The following RPRD1A variants were observed in gnomAD, a reference collection of about 807,000 sequenced individuals.
RPRD1A encodes regulation of nuclear pre-mRNA domain containing 1A.
A neutral mutation model predicts 37.8 loss-of-function variants in RPRD1A; 9 were observed. That is an observed-to-expected ratio of 0.24 (90% CI 0.14 to 0.42). The LOEUF (loss-of-function observed/expected upper bound fraction) is 0.42, where lower values mean the gene tolerates loss of function less well. Among genes scored for constraint, RPRD1A ranks in the 10% least tolerant of loss-of-function variants. The probability of loss-of-function intolerance (pLI) is 1.00; values close to 1 mark genes in which losing one functional copy is unlikely to be tolerated. For missense variants in RPRD1A, 255 were observed against 371.0 expected (o/e 0.69, Z 2.57); for synonymous variants, 138 against 139.7 (o/e 0.99, Z 0.08).
chr18:36,022,919 A>C (rs1911103274), intron 6 of RPRD1A, among the ~76,000 whole-genome samples: 1 of 152,230 alleles, frequency 6.6e-6, no homozygotes, highest in South Asian at 2.1e-4. Context: ...CTGTGATTGC[A>C]TGACTACTCC....
intron 1 of RPRD1A, among the ~76,000 whole-genome samples, chr18:36,046,719 C>A (rs1329241421): frequency 6.6e-6 from 1 of 151,296 alleles, no homozygotes; most frequent in Admixed American, 6.6e-5. Flanking sequence ...ACCTGTAATC[C>A]CAGGTATTCA....
At chr18:35,995,981 AG>A (rs1211503036) in intron 6 of RPRD1A, among the ~76,000 whole-genome samples, 2 of 152,252 alleles carry the variant, frequency 1.3e-5, no homozygotes, top group Non-Finnish European at 2.9e-5. Flanking sequence ...AGACAAGGAA[AG>A]TCAGAGGAAC....
At chr18:36,000,263 A>G (rs935136483) in intron 6 of RPRD1A, among the ~76,000 whole-genome samples, 24 of 152,194 alleles carry the variant, frequency 1.6e-4, no homozygotes, top group African/African-American at 5.6e-4. Flanking sequence ...ATAAACTCCA[A>G]TATAGCCAAT....
intron 1 of RPRD1A, among the ~76,000 whole-genome samples, chr18:36,038,352 G>A (rs1301856590): frequency 1.3e-5 from 2 of 152,242 alleles, no homozygotes; most frequent in East Asian, 1.9e-4. Context: ...AAGGGGCCAG[G>A]GCACAGCTTG....
At chr18:36,062,390 G>A in intron 1 of RPRD1A, among the ~76,000 whole-genome samples, 1 of 145,850 alleles carries the variant, frequency 6.9e-6, no homozygotes, top group Non-Finnish European at 1.5e-5. Flanking sequence ...ATCCTCAAAA[G>A]GTTGAACATA....
intron 6 of RPRD1A, among the ~76,000 whole-genome samples, chr18:36,003,426 G>A (rs946906348): frequency 6.6e-6 from 1 of 152,158 alleles, no homozygotes; most frequent in South Asian, 2.1e-4. Context: ...CAAAATAAGG[G>A]AATTTATACT....
chr18:36,045,667 T>C (rs1030801519), intron 1 of RPRD1A, among the ~76,000 whole-genome samples: 33 of 152,242 alleles, frequency 2.2e-4, no homozygotes, highest in African/African-American at 7.2e-4. Context: ...CATTCGCAAC[T>C]TTGCAACCTG....
At chr18:36,057,764 T>G (rs986328406) in intron 1 of RPRD1A, among the ~76,000 whole-genome samples, 14 of 152,220 alleles carry the variant, frequency 9.2e-5, no homozygotes, top group African/African-American at 3.4e-4. Flanking sequence ...AGCTAAAACC[T>G]ATGTCTATAT....
intron 6 of RPRD1A, among the ~76,000 whole-genome samples, 164 bp from the exon 7 acceptor site, chr18:35,993,464 A>AT (rs1908834531): frequency 6.6e-6 from 1 of 152,272 alleles, no homozygotes; most frequent in Non-Finnish European, 1.5e-5. Flanking sequence ...TTGGAAATAT[A>AT]TAACTAGTAA....
In RPRD1A at chr18:36,046,420, C is replaced by T. The variant is rs915174173; in HGVS notation, c.152-12583G>A. Among the ~76,000 whole-genome samples the T allele has an allele frequency of 9.9e-5, 15 of 152,278 alleles. No homozygotes were observed. In the East Asian group the frequency reaches 1.5e-3, roughly 16 times the overall value. On this transcript the variant is annotated intron_variant, in intron 1 of 6. Transcript: ENST00000399022. The stretch of plus-strand genomic sequence containing the variant: ...CCATATACTCCTTCTCCCCTCCCCA[C>T]GGTGTCAGTGGAGACCTACTGGAAA...
At chr18:36,051,737 T>C (rs1913411888) in intron 1 of RPRD1A, among the ~76,000 whole-genome samples, 1 of 152,078 alleles carries the variant, frequency 6.6e-6, no homozygotes, top group African/African-American at 2.4e-5. Flanking sequence ...CATGACACCA[T>C]GGATAATGTC....
intron 6 of RPRD1A, among the ~76,000 whole-genome samples, chr18:36,006,134 T>G (rs944703597): frequency 6.6e-6 from 1 of 152,220 alleles, no homozygotes; most frequent in East Asian, 1.9e-4. Flanking sequence ...ATAAGTATTA[T>G]GTTATGATTA....
intron 1 of RPRD1A, among the ~76,000 whole-genome samples, chr18:36,052,630 G>C (rs1913480837): frequency 6.6e-6 from 1 of 152,052 alleles, no homozygotes; most frequent in Admixed American, 6.5e-5. Context: ...ATGGAATCTT[G>C]CCCTGTCACC....
At chr18:36,053,392 T>C (rs1217573324) in intron 1 of RPRD1A, among the ~76,000 whole-genome samples, 1 of 152,216 alleles carries the variant, frequency 6.6e-6, no homozygotes, top group Admixed American at 6.5e-5. Context: ...TCTAGATATT[T>C]CATATATTAT....
intron 1 of RPRD1A, among the ~76,000 whole-genome samples, chr18:36,044,938 G>C (rs538754313): frequency 6.6e-6 from 1 of 151,806 alleles, no homozygotes; most frequent in South Asian, 2.1e-4. Flanking sequence ...AGTTCAAAAT[G>C]ATAACTTTTA....
chr18:36,017,132 A>T (rs28582653), intron 6 of RPRD1A, among the ~76,000 whole-genome samples: 105 of 152,276 alleles, frequency 6.9e-4, no homozygotes, highest in African/African-American at 2.3e-3. Flanking sequence ...CAACACGGTG[A>T]AACACTGTCT....
chr18:36,038,588 C>T (rs139819053), intron 1 of RPRD1A, among the ~76,000 whole-genome samples: 47 of 152,348 alleles, frequency 3.1e-4, no homozygotes, highest in African/African-American at 1.1e-3. Context: ...GATTGGAGCT[C>T]TCACATGGGG....
intron 6 of RPRD1A, among the ~76,000 whole-genome samples, chr18:36,014,691 C>T (rs937704697): frequency 6.6e-6 from 1 of 152,130 alleles, no homozygotes; most frequent in East Asian, 1.9e-4. Context: ...TGCAGTGAGC[C>T]GAGATCGCGC....
chr18:36,047,870 T>C (rs1038824175), intron 1 of RPRD1A, among the ~76,000 whole-genome samples: 1 of 152,166 alleles, frequency 6.6e-6, no homozygotes, highest in African/African-American at 2.4e-5. Context: ...GTCCAGATGG[T>C]TTCCACCAGA....
Sources: allele counts gnomAD v4.1 joint callset (sites outside exome capture counted in the v4.1 genomes callset), GRCh38; gene constraint gnomAD v4.1.1; transcripts MANE v1.5; gene names NCBI Gene and HGNC (gene_info 2026-07-23, HGNC 2026-07-21).